KCNIP3: variants seen among roughly 807,000 people sequenced by gnomAD.
KCNIP3 encodes the protein potassium voltage-gated channel interacting protein 3.
KCNIP3 carries 28 observed loss-of-function variants against 35.0 expected under a neutral mutation model. The observed-to-expected ratio is 0.80, with a 90% confidence interval of 0.59 to 1.10. The LOEUF (loss-of-function observed/expected upper bound fraction) is 1.10, where lower values mean the gene tolerates loss of function less well. Ranked by LOEUF, KCNIP3 falls within the 50% of genes least tolerant of loss-of-function variation. The probability of loss-of-function intolerance (pLI) is 0.00; values close to 1 mark genes in which losing one functional copy is unlikely to be tolerated. For synonymous variants in KCNIP3, 134 were observed against 133.8 expected (o/e 1.00, Z -0.01); for missense variants, 295 against 338.4 (o/e 0.87, Z 1.01).
At chr2:95,314,249 G>T (rs1161143228) in intron 2 of KCNIP3, among the ~76,000 whole-genome samples, 1 of 152,192 alleles carries the variant, frequency 6.6e-6, no homozygotes, top group Non-Finnish European at 1.5e-5. Flanking sequence ...CGTATTTGAA[G>T]ATACAGGATA....
chr2:95,344,282 G>GC (rs1382099309), intron 2 of KCNIP3, among the ~76,000 whole-genome samples: 1 of 149,992 alleles, frequency 6.7e-6, no homozygotes, highest in African/African-American at 2.5e-5. Flanking sequence ...GGTGGGGGGG[G>GC]GCACATGGGG....
At position 95,321,214 on chromosome 2, in the gene KCNIP3, C is replaced by T. The variant is rs1388500641; in HGVS notation, c.181+10694C>T. On this transcript the variant is annotated intron_variant, in intron 2 of 8. Coordinates refer to ENST00000295225, the MANE Select transcript of KCNIP3 (RefSeq NM_013434.5). Reference sequence around the variant, plus strand: ...TGGATGAAGGGGTGGGTCACAGAGCCGGTTTCGCAGCACCTTAGTGTGGCC... The same window carrying T: ...TGGATGAAGGGGTGGGTCACAGAGCTGGTTTCGCAGCACCTTAGTGTGGCC... Among the ~76,000 whole-genome samples, 4 of 152,222 alleles carry T rather than the reference C, an allele frequency of 2.6e-5. No homozygotes were observed. The East Asian group carries it at 5.8e-4, about 22-fold the overall frequency.
At chr2:95,309,429 T>TTTA (rs11379732) in intron 1 of KCNIP3, among the ~76,000 whole-genome samples, 1 of 8,512 alleles carries the variant, frequency 1.2e-4, no homozygotes, top group African/African-American at 1.2e-3. Flanking sequence ...GGCCCACTGC[T>TTTA]TTTTTTTTTT....
intron 2 of KCNIP3, among the ~76,000 whole-genome samples, chr2:95,319,761 T>C (rs1387156693): frequency 6.6e-6 from 1 of 152,200 alleles, no homozygotes; most frequent in Non-Finnish European, 1.5e-5. Flanking sequence ...GCCTTTTACC[T>C]GCCTCACAGG....
In KCNIP3 at chr2:95,382,258, C is replaced by A. The variant is rs988972955; in HGVS notation, c.556-119C>A. 8.5e-5 allele frequency: 46 copies of A among 542,048 alleles called. No individual in the cohort carries two copies. Among genetic ancestry groups the A allele is most frequent in the African/African-American group, 8.4e-4 (43 of 51,470 alleles). The allele number at this position is 542,048 out of a possible 1,614,324, so 33.6% of individuals were successfully genotyped here. A position where few individuals can be genotyped will look rare whatever the true frequency, so the allele number is the denominator to read the frequency against. ...GGACAGGCTTCTCTCTCCAGCTCGT[C>A]CGGCCCCTCGCACTCACTGCCTTGG... On this transcript the variant is annotated intron_variant, in intron 6 of 8. Transcript: ENST00000295225. The surrounding 1 kb of genome is among the most constrained non-coding windows in gnomAD (Gnocchi z 4.5).
At chr2:95,381,382 C>A (rs369811958) in intron 5 of KCNIP3, among the ~76,000 whole-genome samples, 1 of 152,218 alleles carries the variant, frequency 6.6e-6, no homozygotes, top group Non-Finnish European at 1.5e-5. Context: ...GGTGCACACC[C>A]TCACACAAGT....
chr2:95,306,730 A>G (rs1384356478), intron 1 of KCNIP3, among the ~76,000 whole-genome samples: 1 of 152,160 alleles, frequency 6.6e-6, no homozygotes, highest in Non-Finnish European at 1.5e-5. Flanking sequence ...GGGTTGGGGC[A>G]TCTAATTCAT....
chr2:95,306,822 C>T (rs981927524), intron 1 of KCNIP3, among the ~76,000 whole-genome samples: 3 of 152,196 alleles, frequency 2.0e-5, no homozygotes, highest in Non-Finnish European at 2.9e-5. Context: ...CCTCTTAGGA[C>T]GCCCTCCCTT....
intron 7 of KCNIP3, 83 bp from the exon 8 acceptor site, chr2:95,383,139 ATCCACCCACC>A: frequency 4.2e-6 from 1 of 235,866 alleles, no homozygotes; most frequent in Non-Finnish European, 8.7e-6. Context: ...CCACCCGCCC[ATCCACCCACC>A]CATGACTTCT....
intron 2 of KCNIP3, among the ~76,000 whole-genome samples, chr2:95,338,649 G>C (rs1040064366): frequency 6.6e-5 from 10 of 152,196 alleles, no homozygotes; most frequent in African/African-American, 2.4e-4. Flanking sequence ...AATGAAATTA[G>C]ACTTGATGTT....
intron 2 of KCNIP3, among the ~76,000 whole-genome samples, chr2:95,329,504 G>C (rs552063348): frequency 6.6e-6 from 1 of 152,352 alleles, no homozygotes; most frequent in Admixed American, 6.5e-5. Flanking sequence ...CTACAGGGGG[G>C]TTAAGCAGCC....
At chr2:95,352,544 C>G (rs191297342) in intron 2 of KCNIP3, among the ~76,000 whole-genome samples, 1 of 152,114 alleles carries the variant, frequency 6.6e-6, no homozygotes, top group African/African-American at 2.4e-5. Context: ...CCATGCTCCC[C>G]GACCAGCCTT....
chr2:95,357,910 G>T (rs1679696635), intron 2 of KCNIP3, among the ~76,000 whole-genome samples: 1 of 152,210 alleles, frequency 6.6e-6, no homozygotes, highest in South Asian at 2.1e-4. Flanking sequence ...TTCTGTGTGT[G>T]TCAGGCACAG....
At chr2:95,324,383 G>A (rs1354501744) in intron 2 of KCNIP3, among the ~76,000 whole-genome samples, 4 of 150,222 alleles carry the variant, frequency 2.7e-5, no homozygotes, top group Non-Finnish European at 5.9e-5. Context: ...GCGTGGTGGC[G>A]GGCGCCTGTA....
intron 2 of KCNIP3, among the ~76,000 whole-genome samples, chr2:95,339,034 T>C (rs1225956261): frequency 1.3e-5 from 2 of 152,234 alleles, no homozygotes; most frequent in Admixed American, 1.3e-4. Context: ...TGTAAAGCCC[T>C]GCCTTGGAGG....
intron 2 of KCNIP3, among the ~76,000 whole-genome samples, chr2:95,357,831 C>A (rs1679693921): frequency 6.6e-6 from 1 of 152,216 alleles, no homozygotes; most frequent in African/African-American, 2.4e-5. Flanking sequence ...GCCTTGCTGG[C>A]CTCGCCTTGC....
At position 95,297,409 on chromosome 2, in the gene KCNIP3, G is replaced by C. The variant is rs1677890074; in HGVS notation, c.-30G>C. The C allele has an allele frequency of 6.4e-7, 1 of 1,569,716 alleles. No homozygotes were observed. The highest frequency in any genetic ancestry group is 1.4e-5 in the African/African-American group (1 of 73,354). On this transcript the variant is annotated 5_prime_UTR_variant, in exon 1 of 9. Coordinates refer to ENST00000295225, the MANE Select transcript of KCNIP3 (RefSeq NM_013434.5). Reference sequence around the variant, plus strand: ...GTCTGCCTCGGCTGTGAAGTGGGGAGGCTGGCAACAGTTTTCTTCAGCGCC... The same window carrying C: ...GTCTGCCTCGGCTGTGAAGTGGGGACGCTGGCAACAGTTTTCTTCAGCGCC...
chr2:95,381,692 A>G lies in KCNIP3; in HGVS notation c.544A>G (p.Ile182Val). ...NLYDINKDGY[I>V]TKEEMLAIMK... is the part of the protein sequence containing the mutation. ...CTACGACATTAACAAGGATGGCTAC[A>G]TCACCAAAGAGGTAGTAGGGGGCTG... The change falls in exon 6 of 9, where the codon ATC becomes GTC. Residue 182 changes from isoleucine (I) to valine (V), a missense_variant. By Grantham distance (29) the Ile-to-Val change is conservative. Transcript: ENST00000295225. 3.5e-5 allele frequency: 56 copies of G among 1,611,690 alleles called. No homozygotes were observed. Among genetic ancestry groups the G allele is most frequent in the Non-Finnish European group, 4.8e-5 (56 of 1,177,868 alleles).
chr2:95,307,519 C>T (rs755830561), intron 1 of KCNIP3, among the ~76,000 whole-genome samples: 6 of 152,356 alleles, frequency 3.9e-5, no homozygotes, highest in East Asian at 1.9e-4. Flanking sequence ...AGGGGGTTGT[C>T]GTGACGAGAT....
Sources: allele counts gnomAD v4.1 joint callset (sites outside exome capture counted in the v4.1 genomes callset), GRCh38; gene constraint gnomAD v4.1.1; non-coding constraint Gnocchi (gnomAD v3.1); transcripts MANE v1.5; gene names NCBI Gene and HGNC (gene_info 2026-07-23, HGNC 2026-07-21).